NF1: variants seen among roughly 807,000 people sequenced by gnomAD.
NF1 encodes the protein neurofibromin.
In NF1, 122 loss-of-function variants were observed where a neutral mutation model predicts 325.7. The ratio of observed to expected loss-of-function variants is 0.37; its 90% CI spans 0.32 to 0.44. The LOEUF (loss-of-function observed/expected upper bound fraction) is 0.44, where lower values mean the gene tolerates loss of function less well. Among genes scored for constraint, NF1 ranks in the 20% least tolerant of loss-of-function variants. NF1 has a pLI of 1.00. For synonymous variants in NF1, 1,091 were observed against 1,186.0 expected (o/e 0.92, Z 1.65); for missense variants, 2,140 against 3,415.4 (o/e 0.63, Z 9.31).
chr17:31,362,993 T>C (rs1250738453), intron 57 of NF1, among the ~76,000 whole-genome samples: 1 of 152,234 alleles, frequency 6.6e-6, no homozygotes, highest in Non-Finnish European at 1.5e-5. Flanking sequence ...ATAGGTTTTA[T>C]GGCTTTGGTT....
chr17:31,124,343 G>A (rs1026658566), intron 1 of NF1, among the ~76,000 whole-genome samples: 1 of 151,846 alleles, frequency 6.6e-6, no homozygotes, highest in Non-Finnish European at 1.5e-5. Flanking sequence ...GGGATTATAA[G>A]TGTGAACCAC....
rs562507888 is a variant in NF1, at chr17:31,371,733, A to G, written c.8378-2280A>G. On this transcript the variant is annotated intron_variant, in intron 57 of 57. Coordinates refer to ENST00000358273, the MANE Select transcript of NF1 (RefSeq NM_001042492.3). ...ACAGATTTTCAGTGGTGGTTCAGCT[A>G]TGCTCACCTCCTGGAGAAATGTCGC... is the stretch of plus-strand genomic sequence containing the variant. Among the ~76,000 whole-genome samples, 9 of 152,370 alleles carry G rather than the reference A, an allele frequency of 5.9e-5. No homozygotes were observed. The East Asian group carries it at 1.7e-3, about 29-fold the overall frequency.
intron 13 of NF1, among the ~76,000 whole-genome samples, chr17:31,214,861 T>A (rs1416063271): frequency 3.9e-5 from 6 of 152,190 alleles, no homozygotes; most frequent in Non-Finnish European, 7.3e-5. Context: ...AGATCTCTGT[T>A]CTCATCCTAT....
intron 52 of NF1, 175 bp downstream of exon 52, chr17:31,356,757 A>T: frequency 8.6e-7 from 1 of 1,164,662 alleles, no homozygotes; most frequent in Non-Finnish European, 1.2e-6. Flanking sequence ...CTTGTGTAAA[A>T]ATTAATCATA....
At chr17:31,293,616 G>C (rs2068398187) in intron 36 of NF1, among the ~76,000 whole-genome samples, 1 of 152,134 alleles carries the variant, frequency 6.6e-6, no homozygotes, top group Admixed American at 6.6e-5. Context: ...TCTCTCAATA[G>C]AAATGTTCCT....
Position 31,352,290 on chromosome 17 carries a change from C to T in NF1, c.7491C>T (p.Pro2497=), listed in dbSNP as rs1374381083. ...AGGAGACTCAGCCATGGTCCTCTCC[C>T]AAAGGTTCTGAAGGATACCTTGCAG... The part of the protein sequence containing the change: ...TLKETQPWSS[P]KGSEGYLAAT... Residue 2497 remains proline (P), a synonymous_variant, in exon 51 of 58, where the codon CCC becomes CCT. Transcript: ENST00000358273. 3.1e-6 allele frequency: 5 copies of T among 1,614,088 alleles called. No homozygotes were observed. The highest frequency in any genetic ancestry group is 4.2e-6 in the Non-Finnish European group (5 of 1,180,016).
intron 1 of NF1, among the ~76,000 whole-genome samples, chr17:31,120,055 C>G (rs548553882): frequency 4.9e-4 from 74 of 152,264 alleles, no homozygotes; most frequent in African/African-American, 1.5e-3. Flanking sequence ...ATGCCTCCAG[C>G]TTTGTTCTTG....
intron 31 of NF1, among the ~76,000 whole-genome samples, chr17:31,254,706 G>A (rs1383865514): frequency 2.0e-5 from 3 of 151,812 alleles, no homozygotes; most frequent in South Asian, 2.1e-4. Context: ...TTAAGATTAT[G>A]TCTAAAATTG....
At chr17:31,133,671 T>C (rs1368390765) in intron 1 of NF1, 2 of 152,276 alleles carry the variant, frequency 1.3e-5, no homozygotes, top group Non-Finnish European at 2.9e-5. Context: ...TTTTTTATTT[T>C]TTTGAGACAG....
intron 1 of NF1, among the ~76,000 whole-genome samples, chr17:31,102,710 C>T (rs1025850112): frequency 8.0e-5 from 12 of 149,622 alleles, no homozygotes; most frequent in Non-Finnish European, 1.0e-4. Flanking sequence ...ACTCCAGCTT[C>T]GGTGACAGAG....
chr17:31,097,505 C>A (rs941935986), intron 1 of NF1, among the ~76,000 whole-genome samples: 1 of 151,368 alleles, frequency 6.6e-6, no homozygotes, highest in Admixed American at 6.6e-5. Context: ...GATTATATAC[C>A]CAGTAAAGCA....
intron 1 of NF1, among the ~76,000 whole-genome samples, chr17:31,103,401 C>T (rs745956027): frequency 5.9e-5 from 9 of 152,254 alleles, no homozygotes; most frequent in East Asian, 1.9e-4. Flanking sequence ...TGCCACCACA[C>T]CCAGCTAATT....
intron 29 of NF1, among the ~76,000 whole-genome samples, chr17:31,244,850 A>G (rs1293143247): frequency 6.6e-6 from 1 of 152,176 alleles, no homozygotes; most frequent in Non-Finnish European, 1.5e-5. Flanking sequence ...TGGTGTTCCA[A>G]TAAGGGGGAC....
chr17:31,226,776 G>A, intron 18 of NF1, 92 bp downstream of exon 18: 2 of 1,528,518 alleles, frequency 1.3e-6, no homozygotes, highest in Non-Finnish European at 1.8e-6. Context: ...TACTTTGTAA[G>A]TTTACAGGGG....
Position 31,117,672 on chromosome 17 carries a change from C to CAAAA in NF1, c.60+22331_60+22334dup, listed in dbSNP as rs780828438. Among the ~76,000 whole-genome samples the CAAAA allele has an allele frequency of 1.4e-3, 27 of 19,810 alleles. 3 individuals are homozygous for CAAAA. The highest frequency in any genetic ancestry group is 1.7e-3 in the African/African-American group (14 of 8,132). The allele number at this position is 19,810 out of a possible 152,430, so 13.0% of individuals were successfully genotyped here. A position where few individuals can be genotyped will look rare whatever the true frequency, so the allele number is the denominator to read the frequency against. On this transcript the variant is annotated intron_variant, in intron 1 of 57. Coordinates refer to ENST00000358273, the MANE Select transcript of NF1 (RefSeq NM_001042492.3). The stretch of plus-strand genomic sequence containing the variant: ...TGGGTGACAGAGCAAAACTCCATCT[C>CAAAA]AAAAAAAAAAAAAAAAAAAAAAAAA...
At chr17:31,141,641 C>A (rs1916226941) in intron 1 of NF1, among the ~76,000 whole-genome samples, 1 of 152,174 alleles carries the variant, frequency 6.6e-6, no homozygotes. Context: ...CAAAACTTAG[C>A]AGTTTAAAAC....
intron 1 of NF1, chr17:31,133,257 CTG>C (rs1431184683): frequency 6.6e-6 from 1 of 152,184 alleles, no homozygotes; most frequent in Non-Finnish European, 1.5e-5. Flanking sequence ...CTTTTTATAA[CTG>C]GCTTGTTTCC....
intron 36 of NF1, among the ~76,000 whole-genome samples, chr17:31,284,996 G>A (rs1279271553): frequency 6.6e-6 from 1 of 152,108 alleles, no homozygotes; most frequent in Non-Finnish European, 1.5e-5. Context: ...TTGCGCGCCT[G>A]TAATTCCAGC....
At chr17:31,195,466 GT>G (rs2066418855) in intron 8 of NF1, among the ~76,000 whole-genome samples, 1 of 152,052 alleles carries the variant, frequency 6.6e-6, no homozygotes, top group South Asian at 2.1e-4. Context: ...TCACATCGTT[GT>G]GCAATCAATC....
Sources: allele counts gnomAD v4.1 joint callset (sites outside exome capture counted in the v4.1 genomes callset), GRCh38; gene constraint gnomAD v4.1.1; transcripts MANE v1.5; gene names NCBI Gene and HGNC (gene_info 2026-07-23, HGNC 2026-07-21).